TBXAS1: variants seen among roughly 807,000 people sequenced by gnomAD.
TBXAS1 encodes thromboxane-A synthase.
TBXAS1 carries 48 observed loss-of-function variants against 60.7 expected under a neutral mutation model. The ratio of observed to expected loss-of-function variants is 0.79; its 90% CI spans 0.63 to 1.01. TBXAS1 has a LOEUF of 1.01. TBXAS1 is among the 50% of genes least tolerant of loss of function. The pLI is 0.00. For missense variants in TBXAS1, 685 were observed against 686.3 expected (o/e 1.00, Z 0.02); for synonymous variants, 287 against 269.7 (o/e 1.06, Z -0.63).
intron 4 of TBXAS1, among the ~76,000 whole-genome samples, chr7:139,931,332 A>G (rs1007954103): frequency 1.3e-5 from 2 of 152,172 alleles, no homozygotes; most frequent in African/African-American, 4.8e-5. Context: ...CTAGGCTGAC[A>G]GACAGGAGCC....
At chr7:139,936,097 G>T in intron 4 of TBXAS1, 94 bp from the exon 5 acceptor site, 9 of 1,156,102 alleles carry the variant, frequency 7.8e-6, no homozygotes, top group Non-Finnish European at 1.2e-5. Context: ...GCCACTGATG[G>T]ACTTTAACCA....
chr7:139,828,568 C>A (rs146176017), upstream of TBXAS1, among the ~76,000 whole-genome samples: 6 of 152,292 alleles, frequency 3.9e-5, no homozygotes, highest in Admixed American at 1.3e-4. Flanking sequence ...ACCATGGAAG[C>A]CTCCAGATGC....
intron 4 of TBXAS1, among the ~76,000 whole-genome samples, chr7:139,911,772 G>A (rs1584833354): frequency 6.6e-6 from 1 of 152,222 alleles, no homozygotes; most frequent in African/African-American, 2.4e-5. Flanking sequence ...AATTAGGAGA[G>A]AAATTTGTCC....
At chr7:139,970,618 T>A (rs41717) in intron 9 of TBXAS1, among the ~76,000 whole-genome samples, 2 of 152,090 alleles carry the variant, frequency 1.3e-5, no homozygotes, top group Non-Finnish European at 2.9e-5. Flanking sequence ...GTTTCCTGAT[T>A]ATTCCATAAT....
intron 3 of TBXAS1, among the ~76,000 whole-genome samples, chr7:139,883,040 T>C (rs1206755954): frequency 6.6e-6 from 1 of 152,206 alleles, no homozygotes; most frequent in African/African-American, 2.4e-5. Context: ...TGACATAGTG[T>C]GCTGATGTTT....
chr7:139,848,119 C>G (rs1799943151), intron 1 of TBXAS1, among the ~76,000 whole-genome samples: 1 of 149,958 alleles, frequency 6.7e-6, no homozygotes, highest in South Asian at 2.1e-4. Context: ...CCATCCCTGG[C>G]TAATTTTATG....
chr7:139,846,685 G>A (rs137933099), intron 1 of TBXAS1, among the ~76,000 whole-genome samples: 55 of 152,292 alleles, frequency 3.6e-4, no homozygotes, highest in African/African-American at 1.3e-3. Context: ...GTGAGGAGAG[G>A]CGTACTTCAA....
chr7:139,951,795 GAAAGAAAAAGAAAC>G (rs200501783), intron 5 of TBXAS1, among the ~76,000 whole-genome samples: 79,978 of 101,258 alleles, frequency 0.79, 32,224 homozygotes, highest in Admixed American at 0.83. Flanking sequence ...AAGAAAGAAA[GAAAGAAAAAGAAAC>G]AAAGAAGAAG....
intron 5 of TBXAS1, among the ~76,000 whole-genome samples, chr7:139,948,245 G>A (rs1584926373): frequency 6.6e-6 from 1 of 152,156 alleles, no homozygotes; most frequent in Non-Finnish European, 1.5e-5. Context: ...TCTGGTTTGT[G>A]GGTAGCCGCC....
At position 139,879,121 on chromosome 7, in the gene TBXAS1, T is replaced by C. The variant is rs572633572; in HGVS notation, c.236+3484T>C. ...CTCCCACTCCCTACCATGGGGACAA[T>C]AGGGCTGGAGAAGGTTTCCATCAAG... is the stretch of plus-strand genomic sequence containing the variant. On this transcript the variant is annotated intron_variant, in intron 3 of 12. Transcript: ENST00000448866. Among the ~76,000 whole-genome samples the C allele has an allele frequency of 5.3e-5, 8 of 152,304 alleles. No homozygotes were observed. The East Asian group carries it at 9.6e-4, about 18-fold the overall frequency.
intron 9 of TBXAS1, among the ~76,000 whole-genome samples, chr7:139,997,564 C>A (rs913008550): frequency 1.3e-5 from 2 of 152,082 alleles, no homozygotes; most frequent in African/African-American, 4.8e-5. Context: ...CCCCCTCCCC[C>A]CACTATACAC....
intron 8 of TBXAS1, among the ~76,000 whole-genome samples, 165 bp downstream of exon 8, chr7:139,957,929 G>A (rs745510773): frequency 1.3e-5 from 2 of 152,110 alleles, no homozygotes; most frequent in African/African-American, 2.4e-5. Flanking sequence ...ACAGAGGAAG[G>A]TTGAGGAAGG....
intron 3 of TBXAS1, among the ~76,000 whole-genome samples, chr7:139,901,801 A>T (rs1242657628): frequency 6.6e-6 from 1 of 152,016 alleles, no homozygotes; most frequent in Non-Finnish European, 1.5e-5. Flanking sequence ...GTATGGAAAG[A>T]GTCCTCTTGC....
rs539606012 is a variant in TBXAS1, at chr7:139,875,545, G to T, written c.184-40G>T. 44 of 1,560,794 alleles carry T rather than the reference G, an allele frequency of 2.8e-5. No individual in the cohort carries two copies. The South Asian group carries it at 4.9e-4, about 17-fold the overall frequency. On this transcript the variant is annotated intron_variant, in intron 2 of 12. Transcript: ENST00000448866. ...AATAAGTTTGAATAATTGGAATTTTGCTTAATCTTATTCTTACTATAGTGC... is the reference window on the plus strand; with the variant it reads ...AATAAGTTTGAATAATTGGAATTTTTCTTAATCTTATTCTTACTATAGTGC...
intron 1 of TBXAS1, among the ~76,000 whole-genome samples, chr7:139,832,716 C>T (rs910731108): frequency 3.3e-5 from 5 of 152,184 alleles, no homozygotes; most frequent in African/African-American, 1.2e-4. Context: ...GACAGAAGAA[C>T]CAGGTAACCT....
At chr7:139,959,039 G>A (rs919566072) in intron 8 of TBXAS1, among the ~76,000 whole-genome samples, 3 of 134,782 alleles carry the variant, frequency 2.2e-5, no homozygotes, top group Non-Finnish European at 3.3e-5. Flanking sequence ...ACACACACAC[G>A]CATCCCTAGC....
At chr7:139,951,884 AAG>A (rs1809343368) in intron 5 of TBXAS1, among the ~76,000 whole-genome samples, 1 of 42,388 alleles carries the variant, frequency 2.4e-5, no homozygotes, top group Admixed American at 3.0e-4. Flanking sequence ...GGAAGGAAAG[AAG>A]GAAGGAAGGA....
At chr7:139,957,538 T>C in intron 7 of TBXAS1, 96 bp from the exon 8 acceptor site, 1 of 1,578,308 alleles carries the variant, frequency 6.3e-7, no homozygotes, top group South Asian at 1.1e-5. Context: ...ACGGCTCCGA[T>C]TCCAGGCCCG....
intron 1 of TBXAS1, among the ~76,000 whole-genome samples, chr7:139,857,988 C>T (rs529836760): frequency 6.6e-6 from 1 of 152,178 alleles, no homozygotes; most frequent in South Asian, 2.1e-4. Flanking sequence ...CCTGCCTTGG[C>T]CCCCCAAAAC....
Sources: allele counts gnomAD v4.1 joint callset (sites outside exome capture counted in the v4.1 genomes callset), GRCh38; gene constraint gnomAD v4.1.1; transcripts MANE v1.5; gene names NCBI Gene and HGNC (gene_info 2026-07-23, HGNC 2026-07-21).